NAALADL2: variants seen among roughly 807,000 people sequenced by gnomAD.
The protein encoded by NAALADL2 is inactive N-acetylated-alpha-linked acidic dipeptidase-like protein 2.
Under a neutral mutation model 87.2 loss-of-function variants are expected in NAALADL2, and 76 were observed. The ratio of observed to expected loss-of-function variants is 0.87; its 90% CI spans 0.72 to 1.05. The LOEUF (loss-of-function observed/expected upper bound fraction) is 1.05. Among genes scored for constraint, NAALADL2 ranks in the 50% least tolerant of loss-of-function variants. NAALADL2 has a pLI of 0.00. For synonymous variants in NAALADL2, 354 were observed against 331.0 expected (o/e 1.07, Z -0.75); for missense variants, 1,089 against 945.8 (o/e 1.15, Z -1.99).
At chr3:174,703,498 A>G (rs1729757228) in intron 2 of NAALADL2, among the ~76,000 whole-genome samples, 1 of 152,136 alleles carries the variant, frequency 6.6e-6, no homozygotes, top group Non-Finnish European at 1.5e-5. Flanking sequence ...TAGGATACAT[A>G]GTGTTATCCT....
intron 11 of NAALADL2, among the ~76,000 whole-genome samples, chr3:175,660,799 A>G (rs1732146102): frequency 6.6e-6 from 1 of 151,582 alleles, no homozygotes; most frequent in Non-Finnish European, 1.5e-5. Flanking sequence ...TAACATAATG[A>G]CCTCCAGATC....
chr3:175,306,822 G>C (rs1211281527), intron 4 of NAALADL2, among the ~76,000 whole-genome samples: 1 of 152,122 alleles, frequency 6.6e-6, no homozygotes, highest in African/African-American at 2.4e-5. Context: ...CTCCAACCTG[G>C]AAGTCCAGAA....
At chr3:175,195,961 C>G (rs557639194) in intron 2 of NAALADL2, among the ~76,000 whole-genome samples, 1 of 151,870 alleles carries the variant, frequency 6.6e-6, no homozygotes, top group Admixed American at 6.6e-5. Context: ...GAATAAAGAG[C>G]TTATATTTGG....
chr3:174,707,677 G>A (rs1468179714), intron 2 of NAALADL2, among the ~76,000 whole-genome samples: 1 of 151,452 alleles, frequency 6.6e-6, no homozygotes, highest in Non-Finnish European at 1.5e-5. Flanking sequence ...TATAGCATTA[G>A]GAGATATACC....
intron 4 of NAALADL2, among the ~76,000 whole-genome samples, chr3:175,312,791 A>T (rs1336506625): frequency 2.0e-5 from 3 of 152,208 alleles, no homozygotes; most frequent in Non-Finnish European, 4.4e-5. Flanking sequence ...AAAAATCAAC[A>T]AATAAGAGAT....
At chr3:174,593,768 G>T (rs1044529259) in intron 2 of NAALADL2, among the ~76,000 whole-genome samples, 5 of 151,982 alleles carry the variant, frequency 3.3e-5, no homozygotes, top group African/African-American at 4.8e-5. Context: ...CTCCTCACCT[G>T]ACACTTACTT....
At chr3:174,857,231 T>C (rs1725949917), upstream of NAALADL2, among the ~76,000 whole-genome samples, 1 of 152,124 alleles carries the variant, frequency 6.6e-6, no homozygotes, top group African/African-American at 2.4e-5. Context: ...TGGAAGAAAT[T>C]TTCCAGGCAT....
intron 1 of NAALADL2, among the ~76,000 whole-genome samples, chr3:174,891,879 G>A (rs1008173372): frequency 4.6e-5 from 7 of 151,990 alleles, no homozygotes; most frequent in Non-Finnish European, 1.0e-4. Flanking sequence ...ACAGCTCAAA[G>A]CTGCAAAAGA....
At chr3:174,723,553 A>G (rs1476490461) in intron 2 of NAALADL2, among the ~76,000 whole-genome samples, 1 of 152,106 alleles carries the variant, frequency 6.6e-6, no homozygotes, top group African/African-American at 2.4e-5. Flanking sequence ...CAGGAGATCC[A>G]GACCATCCTG....
intron 2 of NAALADL2, among the ~76,000 whole-genome samples, chr3:174,710,084 G>A (rs1394323920): frequency 6.6e-6 from 1 of 152,100 alleles, no homozygotes; most frequent in Non-Finnish European, 1.5e-5. Context: ...TTAGTCCTCG[G>A]TGTATACTGT....
chr3:175,740,540 C>G (rs1745083101), intron 12 of NAALADL2, among the ~76,000 whole-genome samples: 1 of 152,148 alleles, frequency 6.6e-6, no homozygotes, highest in Non-Finnish European at 1.5e-5. Context: ...ACTCAACAGA[C>G]CCAGACTTGG....
intron 1 of NAALADL2, among the ~76,000 whole-genome samples, chr3:174,936,300 C>A (rs1737674247): frequency 6.6e-6 from 1 of 151,888 alleles, no homozygotes; most frequent in Non-Finnish European, 1.5e-5. Flanking sequence ...GTATTATTTA[C>A]TTTGTACTCT....
chr3:174,860,724 G>A lies in NAALADL2; in HGVS notation c.43+1274G>A, dbSNP rs1726388242. ...TCAAAATAAACTAAGGAGTAACCAG[G>A]CCTCTTTCCATTTCACTCATTATCC... is the stretch of plus-strand genomic sequence containing the variant. On this transcript the variant is annotated intron_variant, in intron 1 of 13. Transcript: ENST00000454872. Among the ~76,000 whole-genome samples, 3 of 151,978 alleles carry A rather than the reference G, an allele frequency of 2.0e-5. No individual in the cohort carries two copies. The South Asian group carries it at 6.2e-4, about 32-fold the overall frequency.
intron 1 of NAALADL2, among the ~76,000 whole-genome samples, chr3:174,951,370 G>T (rs1238228525): frequency 6.6e-6 from 1 of 151,960 alleles, no homozygotes; most frequent in Non-Finnish European, 1.5e-5. Flanking sequence ...GAACCTGCAA[G>T]CTCACATTAT....
At position 174,835,051 on chromosome 3, in the gene NAALADL2, C is replaced by G. The variant is rs187907531; in HGVS notation, c.-9+97305C>G. Among the ~76,000 whole-genome samples, 43 of 151,848 alleles carry G rather than the reference C, an allele frequency of 2.8e-4. No homozygotes were observed. The East Asian group carries it at 7.7e-3, about 27-fold the overall frequency. The stretch of plus-strand genomic sequence containing the variant: ...TTACACTTTCTAATTTTAATACATA[C>G]TATAGAATTAGAATAATCAAAATAA... On this transcript the variant is annotated intron_variant, in intron 3 of 3. Transcript: ENST00000434257.
intron 9 of NAALADL2, among the ~76,000 whole-genome samples, chr3:175,515,335 TCTTGC>T (rs1731688611): frequency 6.6e-6 from 1 of 152,172 alleles, no homozygotes; most frequent in African/African-American, 2.4e-5. Flanking sequence ...CTCCTCTGCT[TCTTGC>T]CATTTCTCTG....
intron 1 of NAALADL2, among the ~76,000 whole-genome samples, chr3:174,488,442 T>C (rs1012028138): frequency 6.6e-6 from 1 of 152,062 alleles, no homozygotes; most frequent in African/African-American, 2.4e-5. Flanking sequence ...ATGCCTAGGA[T>C]AGAGTGCCTG....
chr3:174,702,527 T>C (rs1486005688), intron 2 of NAALADL2, among the ~76,000 whole-genome samples: 1 of 152,204 alleles, frequency 6.6e-6, no homozygotes, highest in African/African-American at 2.4e-5. Flanking sequence ...GGATACATTC[T>C]AAGAAATATG....
At chr3:175,232,153 G>A (rs1428765647) in intron 2 of NAALADL2, among the ~76,000 whole-genome samples, 2 of 151,336 alleles carry the variant, frequency 1.3e-5, no homozygotes. Context: ...GGAAGAGGAA[G>A]AAGAAGGGGG....
Sources: allele counts gnomAD v4.1 joint callset (sites outside exome capture counted in the v4.1 genomes callset), GRCh38; gene constraint gnomAD v4.1.1; transcripts MANE v1.5; gene names NCBI Gene and HGNC (gene_info 2026-07-23, HGNC 2026-07-21).